FREM3: variants seen among roughly 807,000 people sequenced by gnomAD.
FREM3 encodes the protein FRAS1 related extracellular matrix 3.
A neutral mutation model predicts 129.1 loss-of-function variants in FREM3; 105 were observed. The observed-to-expected ratio is 0.81, with a 90% CI of 0.69 to 0.96. The LOEUF is 0.96. Ranked by LOEUF, FREM3 falls within the 40% of genes least tolerant of loss-of-function variation. FREM3 has a pLI of 0.00. For missense variants in FREM3, 2,593 were observed against 2,666.3 expected (o/e 0.97, Z 0.61); for synonymous variants, 1,014 against 1,044.9 (o/e 0.97, Z 0.57).
At chr4:143,661,997 T>C (rs1337596976) in intron 2 of FREM3, among the ~76,000 whole-genome samples, 3 of 152,194 alleles carry the variant, frequency 2.0e-5, no homozygotes, top group African/African-American at 4.8e-5. Context: ...TTTATTAGTC[T>C]TGCTAGCAGT....
At chr4:143,691,712 T>C (rs1578872073) in intron 2 of FREM3, among the ~76,000 whole-genome samples, 1 of 152,192 alleles carries the variant, frequency 6.6e-6, no homozygotes, top group South Asian at 2.1e-4. Flanking sequence ...ACTGGCTAGC[T>C]CACAGAAAAA....
intron 6 of FREM3, among the ~76,000 whole-genome samples, chr4:143,603,428 TGTCTC>T (rs1738609687): frequency 6.6e-6 from 1 of 152,170 alleles, no homozygotes; most frequent in Non-Finnish European, 1.5e-5. Flanking sequence ...TGTTATTGTT[TGTCTC>T]ATTTCTTTTC....
intron 5 of FREM3, among the ~76,000 whole-genome samples, chr4:143,617,121 T>G (rs1270487009): frequency 6.6e-6 from 1 of 152,168 alleles, no homozygotes; most frequent in Non-Finnish European, 1.5e-5. Flanking sequence ...ATGAGATTTT[T>G]CTTAAGAATG....
At position 143,653,105 on chromosome 4, in the gene FREM3, A is replaced by G. The variant is rs142259165; in HGVS notation, c.5276-25345T>C. Among the ~76,000 whole-genome samples, 401 of 152,304 alleles carry G rather than the reference A, an allele frequency of 2.6e-3. 3 individuals carry two copies. Among genetic ancestry groups the G allele is most frequent in the African/African-American group, 9.2e-3 (381 of 41,560 alleles). ...CAAATGGCTCTGATATAATTATTAG[A>G]GAGTGGTTCCTATTTTGTATTGCCA... On this transcript the variant is annotated intron_variant, in intron 2 of 7. Coordinates refer to ENST00000329798, the MANE Select transcript of FREM3 (RefSeq NM_001168235.2).
chr4:143,615,055 T>C (rs1578835323), intron 5 of FREM3, among the ~76,000 whole-genome samples: 1 of 152,220 alleles, frequency 6.6e-6, no homozygotes, highest in East Asian at 1.9e-4. Context: ...TGGCTACATA[T>C]TACATTTGCT....
At chr4:143,581,122 G>T (rs975434524) in intron 7 of FREM3, among the ~76,000 whole-genome samples, 4 of 152,174 alleles carry the variant, frequency 2.6e-5, no homozygotes, top group Non-Finnish European at 5.9e-5. Context: ...CAGTGCAGCA[G>T]GATTATAGAA....
chr4:143,628,561 C>T (rs1202462177), intron 2 of FREM3, among the ~76,000 whole-genome samples: 7 of 152,144 alleles, frequency 4.6e-5, no homozygotes, highest in African/African-American at 1.7e-4. Flanking sequence ...ACCAAAGTGA[C>T]TGTGTATGAA....
intron 2 of FREM3, among the ~76,000 whole-genome samples, chr4:143,675,716 C>T (rs1740104454): frequency 6.6e-6 from 1 of 152,184 alleles, no homozygotes; most frequent in Non-Finnish European, 1.5e-5. Flanking sequence ...GATATCACCA[C>T]TGATCCCACA....
intron 4 of FREM3, among the ~76,000 whole-genome samples, chr4:143,621,977 ACTAT>A (rs1317388714): frequency 1.3e-5 from 2 of 152,110 alleles, no homozygotes; most frequent in African/African-American, 2.4e-5. Flanking sequence ...AACTGCAGTA[ACTAT>A]CTATGAAACC....
At chr4:143,681,867 G>A (rs904595823) in intron 2 of FREM3, among the ~76,000 whole-genome samples, 1 of 152,212 alleles carries the variant, frequency 6.6e-6, no homozygotes, top group African/African-American at 2.4e-5. Context: ...ACAACAAGAT[G>A]TGGATAGGTA....
intron 2 of FREM3, among the ~76,000 whole-genome samples, chr4:143,641,320 TAAA>T (rs35956746): frequency 0.51 from 77,536 of 151,676 alleles, 20,204 homozygotes; most frequent in East Asian, 0.84. Flanking sequence ...AAAAAGGAGA[TAAA>T]AAAGAAGCCT....
rs1234067253 is a variant in FREM3 at position 143,585,148 on chromosome 4, T to C, written c.6178+696A>G. Among the ~76,000 whole-genome samples the C allele has an allele frequency of 1.3e-5, 2 of 152,216 alleles. No homozygotes were observed. The highest frequency in any genetic ancestry group is 2.9e-5 in the Non-Finnish European group (2 of 68,030). On this transcript the variant is annotated intron_variant, in intron 7 of 7. Transcript: ENST00000329798. The surrounding 1 kb of genome is among the most constrained non-coding windows in gnomAD (Gnocchi z 4.2). Reference sequence around the variant, plus strand: ...AAAGCAGTATTAAGAGGAAAGTTTATAGTGCTAAATGCTCACATCAAAAAG... The same window carrying C: ...AAAGCAGTATTAAGAGGAAAGTTTACAGTGCTAAATGCTCACATCAAAAAG...
At chr4:143,605,749 C>T (rs1313373218) in intron 6 of FREM3, among the ~76,000 whole-genome samples, 1 of 152,158 alleles carries the variant, frequency 6.6e-6, no homozygotes, top group Non-Finnish European at 1.5e-5. Context: ...TTTCCTACCA[C>T]TTAACTCCAA....
intron 2 of FREM3, among the ~76,000 whole-genome samples, chr4:143,655,947 C>T (rs1361385341): frequency 1.3e-5 from 2 of 152,150 alleles, no homozygotes; most frequent in African/African-American, 4.8e-5. Context: ...TTTTCCCACA[C>T]TCCCTAGCTC....
In FREM3 at chr4:143,700,386, A is replaced by G. The variant is rs1488646513; in HGVS notation, c.290T>C (p.Val97Ala). ...IGVQPGDRCE[V>A]TVLDALPRLK... Reference sequence around the variant, plus strand: ...CCGCGGCAGGGCGTCCAGTACCGTGACTTCGCACCGGTCCCCCGGCTGCAC... The same window carrying G: ...CCGCGGCAGGGCGTCCAGTACCGTGGCTTCGCACCGGTCCCCCGGCTGCAC... Residue 97 changes from valine (V) to alanine (A), a missense_variant, in exon 1 of 8, where the codon GTC becomes GCC. Val to Ala is a moderately conservative substitution (Grantham distance 64). Around this residue, in one of 2 missense-constraint regions of FREM3, gnomAD observed 2,276 missense variants for 2,267.2 expected, o/e 1.00. Coordinates refer to ENST00000329798, the MANE Select transcript of FREM3 (RefSeq NM_001168235.2). 1 of 1,534,756 alleles carries G rather than the reference A, an allele frequency of 6.5e-7. No homozygotes were observed. The highest frequency in any genetic ancestry group is 2.4e-5 in the East Asian group (1 of 40,846).
intron 2 of FREM3, among the ~76,000 whole-genome samples, chr4:143,644,284 C>A (rs962491020): frequency 2.6e-5 from 4 of 152,042 alleles, no homozygotes; most frequent in Non-Finnish European, 2.9e-5. Flanking sequence ...GTATCTGCAT[C>A]ATCTTCCTAT....
intron 2 of FREM3, among the ~76,000 whole-genome samples, chr4:143,644,177 A>ATGTGTGTG (rs10578943): frequency 1.3e-5 from 2 of 149,228 alleles, no homozygotes; most frequent in African/African-American, 2.5e-5. Flanking sequence ...TGCTCTGCAT[A>ATGTGTGTG]TGTGTGTGTG....
intron 5 of FREM3, among the ~76,000 whole-genome samples, chr4:143,617,342 G>C (rs1344448476): frequency 6.6e-6 from 1 of 152,080 alleles, no homozygotes; most frequent in African/African-American, 2.4e-5. Context: ...ATAGAGACCA[G>C]GGATGCTGCT....
At chr4:143,601,866 T>C (rs1244970953) in intron 6 of FREM3, 4 of 152,128 alleles carry the variant, frequency 2.6e-5, no homozygotes, top group Admixed American at 2.6e-4. Context: ...TTTCTTCAGG[T>C]GATCCATTTG....
Sources: gnomAD v4.1 joint callset for allele counts (sites outside exome capture counted in the v4.1 genomes callset) on GRCh38, gnomAD v4.1.1 for gene constraint, gnomAD v4.1.1 regional missense constraint, Gnocchi (gnomAD v3.1) non-coding constraint, MANE v1.5 for transcripts, NCBI Gene and HGNC (gene_info 2026-07-23, HGNC 2026-07-21) for gene names.